The following GARNL3 variants were observed in gnomAD, a reference collection of about 807,000 sequenced individuals.
GARNL3 encodes the protein GTPase activating Rap/RanGAP domain like 3, also known as GTPase-activating Rap/Ran-GAP domain-like protein 3.
GARNL3 carries 63 observed loss-of-function variants against 125.0 expected under a neutral mutation model. That is an observed-to-expected ratio of 0.50 (90% confidence interval 0.41 to 0.62). GARNL3 has a LOEUF of 0.62. Among genes scored for constraint, GARNL3 ranks in the 20% least tolerant of loss-of-function variants. GARNL3 has a pLI of 0.00. For synonymous variants in GARNL3, 439 were observed against 457.5 expected, an observed-to-expected ratio of 0.96 and a Z score of 0.52; for missense variants, 994 against 1,244.0, an observed-to-expected ratio of 0.80 and a Z score of 3.02.
rs776818580 is a variant in GARNL3, at chr9:127,280,457, A to G, written c.145-10711A>G. Among the ~76,000 whole-genome samples, 6 of 152,174 alleles carry G rather than the reference A, an allele frequency of 3.9e-5. No homozygotes were observed. Among genetic ancestry groups the G allele is most frequent in the African/African-American group, 7.2e-5 (3 of 41,442 alleles). ...TATTCTTACTCTTCTGAAAGACCCA[A>G]TGTCTCTTAGCTAAAATTAGATGGT... is the stretch of plus-strand genomic sequence containing the variant. On this transcript the variant is annotated intron_variant, in intron 1 of 27. Coordinates refer to ENST00000373387, the MANE Select transcript of GARNL3 (RefSeq NM_032293.5). The surrounding 1 kb of genome is among the most constrained non-coding windows in gnomAD (Gnocchi z 4.5).
chr9:127,246,064 A>G (rs140040997), intron 2 of GARNL3, among the ~76,000 whole-genome samples: 2 of 152,296 alleles, frequency 1.3e-5, no homozygotes, highest in Non-Finnish European at 2.9e-5. Flanking sequence ...TCAAAGACCT[A>G]CTTTGAAGTT....
At chr9:127,344,746 A>T (rs1201138694) in intron 15 of GARNL3, among the ~76,000 whole-genome samples, 1 of 152,180 alleles carries the variant, frequency 6.6e-6, no homozygotes, top group Non-Finnish European at 1.5e-5. Context: ...GAAGACTTGA[A>T]TTACCACCCT....
In GARNL3 at chr9:127,384,811, C is replaced by T. The variant is rs1832455340; in HGVS notation, c.2270-216C>T. Among the ~76,000 whole-genome samples the T allele has an allele frequency of 2.6e-5, 4 of 152,166 alleles. No individual in the cohort carries two copies. The highest frequency in any genetic ancestry group is 9.7e-5 in the African/African-American group (4 of 41,444). On this transcript the variant is annotated intron_variant, in intron 23 of 27. Coordinates refer to ENST00000373387, the MANE Select transcript of GARNL3 (RefSeq NM_032293.5). This position sits in a 1 kb window ranked among gnomAD's most constrained non-coding sequence, Gnocchi z 4.0. ...CAAGCATGGTGACAGTGCACACCTC[C>T]TGGGAGGCGCAGTGTGGCAACCGAG...
chr9:127,391,533 A>T (rs35561749), intron 27 of GARNL3, among the ~76,000 whole-genome samples: 3,332 of 75,968 alleles, frequency 0.044, 541 homozygotes, highest in Non-Finnish European at 0.074. Flanking sequence ...ACAAAAAAAA[A>T]ATATATATAT....
intron 1 of GARNL3, among the ~76,000 whole-genome samples, chr9:127,273,912 G>C (rs1175653371): frequency 1.3e-5 from 2 of 152,116 alleles, no homozygotes; most frequent in Non-Finnish European, 2.9e-5. Flanking sequence ...ATCTCTAACA[G>C]TCTTAAAGGA....
intron 2 of GARNL3, among the ~76,000 whole-genome samples, chr9:127,251,994 C>T (rs925850564): frequency 2.6e-5 from 4 of 152,122 alleles, no homozygotes; most frequent in African/African-American, 9.7e-5. Context: ...CGTTAGTTTC[C>T]CCCACATATA....
At chr9:127,391,083 G>A (rs1011857013) in intron 27 of GARNL3, among the ~76,000 whole-genome samples, 6 of 151,934 alleles carry the variant, frequency 3.9e-5, no homozygotes, top group South Asian at 2.1e-4. Flanking sequence ...TCAGGAGTTC[G>A]AGACTAGGCT....
At chr9:127,336,258 GC>G in intron 11 of GARNL3, 22 bp downstream of exon 11, 1 of 1,539,606 alleles carries the variant, frequency 6.5e-7, no homozygotes, top group South Asian at 1.1e-5. Flanking sequence ...CTTTGTAAAT[GC>G]TCCAGTGTGG....
intron 1 of GARNL3, among the ~76,000 whole-genome samples, chr9:127,232,670 T>A (rs2063039877): frequency 6.6e-6 from 1 of 152,188 alleles, no homozygotes; most frequent in Admixed American, 6.5e-5. Flanking sequence ...AATTTTTTCT[T>A]AATATTGTCA....
chr9:127,241,836 C>T (rs538027736), intron 1 of GARNL3, among the ~76,000 whole-genome samples: 16 of 152,184 alleles, frequency 1.1e-4, no homozygotes, highest in Admixed American at 3.9e-4. Context: ...GGTGCAATCT[C>T]GGCTCACTGC....
intron 2 of GARNL3, among the ~76,000 whole-genome samples, chr9:127,295,819 C>T (rs1482354659): frequency 6.6e-6 from 1 of 152,014 alleles, no homozygotes; most frequent in East Asian, 1.9e-4. Context: ...CAAGTTTTTC[C>T]ACGGACCAGG....
At position 127,392,333 on chromosome 9, in the gene GARNL3, GA is replaced by G. The variant is rs1832912571; in HGVS notation, c.2871-748del. 6.6e-6 allele frequency among the ~76,000 whole-genome samples: 1 copy of G among 152,268 alleles called. No individual in the cohort carries two copies. Among genetic ancestry groups the G allele is most frequent in the African/African-American group, 2.4e-5 (1 of 41,468 alleles). On this transcript the variant is annotated intron_variant, in intron 27 of 27. Transcript: ENST00000373387. The surrounding 1 kb of genome is among the most constrained non-coding windows in gnomAD (Gnocchi z 5.2). ...GAAGAAGTGACGGGGCTGGCACATA[GA>G]AGGTCTACTCTGAGAGAGGGGTCAA...
intron 22 of GARNL3, among the ~76,000 whole-genome samples, chr9:127,373,810 G>A (rs929375228): frequency 1.3e-5 from 2 of 152,064 alleles, no homozygotes; most frequent in African/African-American, 4.8e-5. Flanking sequence ...GATCACTTGA[G>A]TCTGGCCAAC....
At chr9:127,265,726 A>T (rs765471946) in intron 1 of GARNL3, among the ~76,000 whole-genome samples, 3 of 152,198 alleles carry the variant, frequency 2.0e-5, no homozygotes, top group African/African-American at 7.2e-5. Context: ...AATTATATTG[A>T]TTATTATTTA....
At chr9:127,277,518 C>T (rs7854854) in intron 1 of GARNL3, among the ~76,000 whole-genome samples, 1 of 151,630 alleles carries the variant, frequency 6.6e-6, no homozygotes, top group African/African-American at 2.4e-5. Context: ...CATCTTTATG[C>T]ATTCAAGCAA....
intron 6 of GARNL3, among the ~76,000 whole-genome samples, chr9:127,324,037 C>G (rs2065487254): frequency 6.6e-6 from 1 of 152,012 alleles, no homozygotes; most frequent in Non-Finnish European, 1.5e-5. Context: ...ATTGCTTGAG[C>G]CCAGGAATTG....
intron 8 of GARNL3, 49 bp downstream of exon 8, chr9:127,332,398 T>C: frequency 6.9e-7 from 1 of 1,453,152 alleles, no homozygotes; most frequent in Non-Finnish European, 9.6e-7. Context: ...TGTCCTGCCT[T>C]GTTGCATTCT....
chr9:127,355,329 A>G lies in GARNL3; in HGVS notation c.1792A>G (p.Ser598Gly), dbSNP rs764001506. The G allele has an allele frequency of 2.5e-6, 4 of 1,614,186 alleles. No homozygotes were observed. The East Asian group carries it at 8.9e-5, about 36-fold the overall frequency. The change falls in exon 20 of 28, where the codon AGC (serine) becomes GGC (glycine). Residue 598 changes from serine (S) to glycine (G), a missense_variant. Ser to Gly is a moderately conservative substitution (Grantham distance 56, BLOSUM62 0). Around this residue, in one of 5 missense-constraint regions of GARNL3, gnomAD observed 728 missense variants for 865.7 expected, o/e 0.84. Coordinates refer to ENST00000373387, the MANE Select transcript of GARNL3 (RefSeq NM_032293.5). ...CCTGTATGCTATTAACACTCACCACAGCAGAGAGCTGAGGATTGTGGTTGC... is the reference window on the plus strand; with the variant it reads ...CCTGTATGCTATTAACACTCACCACGGCAGAGAGCTGAGGATTGTGGTTGC... ...CHLYAINTHH[S>G]RELRIVVAIR...
intron 2 of GARNL3, 149 bp downstream of exon 2, chr9:127,291,391 A>G (rs1402139212): frequency 7.2e-6 from 5 of 696,062 alleles, no homozygotes; most frequent in Non-Finnish European, 1.0e-5. Flanking sequence ...GTATTCTGGC[A>G]TGGAAGGTGC....
Sources: gnomAD v4.1 joint callset for allele counts (sites outside exome capture counted in the v4.1 genomes callset) on GRCh38, gnomAD v4.1.1 for gene constraint, gnomAD v4.1.1 regional missense constraint, Gnocchi (gnomAD v3.1) non-coding constraint, MANE v1.5 for transcripts, NCBI Gene and HGNC (gene_info 2026-07-23, HGNC 2026-07-21) for gene names.